CASD1: variants seen among roughly 807,000 people sequenced by gnomAD.
CASD1 encodes CAS1 domain sialic acid O acetyltransferase 1.
Under a neutral mutation model 100.0 loss-of-function variants are expected in CASD1, and 41 were observed. The ratio of observed to expected loss-of-function variants is 0.41; its 90% CI spans 0.32 to 0.53. The LOEUF is 0.53. Ranked by LOEUF, CASD1 falls within the 20% of genes least tolerant of loss-of-function variation. The pLI is 0.25. For synonymous variants in CASD1, 321 were observed against 315.6 expected, an observed-to-expected ratio of 1.02 and a Z score of -0.18; for missense variants, 774 against 948.7, an observed-to-expected ratio of 0.82 and a Z score of 2.42.
At chr7:94,579,992 C>T in the CASD1 span, among the ~76,000 whole-genome samples, 1 of 152,180 alleles carries the variant, frequency 6.6e-6, no homozygotes, top group Admixed American at 6.6e-5. Context: ...TGTTCCTCAA[C>T]ACTATTTCCA....
At chr7:94,526,690 G>T (rs1264486445) in intron 3 of CASD1, among the ~76,000 whole-genome samples, 3 of 152,162 alleles carry the variant, frequency 2.0e-5, no homozygotes, top group African/African-American at 7.2e-5. Flanking sequence ...CCACTTGGGA[G>T]GCTGAGGTGG....
the CASD1 span, among the ~76,000 whole-genome samples, chr7:94,574,364 T>C: frequency 6.6e-6 from 1 of 152,122 alleles, no homozygotes; most frequent in African/African-American, 2.4e-5. Context: ...GTCCAGGGCT[T>C]TTTTTGGTTG....
At chr7:94,543,438 G>A (rs1262702045) in intron 10 of CASD1, among the ~76,000 whole-genome samples, 4 of 152,090 alleles carry the variant, frequency 2.6e-5, no homozygotes, top group East Asian at 3.9e-4. Context: ...TAGATCACCC[G>A]AGGTCAGGAG....
chr7:94,610,737 T>A, the CASD1 span, among the ~76,000 whole-genome samples: 1 of 151,986 alleles, frequency 6.6e-6, no homozygotes, highest in African/African-American at 2.4e-5. Flanking sequence ...TAGGAGAAAA[T>A]AACTGCAAAT....
At chr7:94,611,041 T>C in the CASD1 span, among the ~76,000 whole-genome samples, 5 of 152,230 alleles carry the variant, frequency 3.3e-5, no homozygotes, top group African/African-American at 1.2e-4. Context: ...CTCTCCTATT[T>C]TGCTGGTGGA....
chr7:94,514,222 A>G (rs1212602395), intron 1 of CASD1, among the ~76,000 whole-genome samples: 1 of 152,194 alleles, frequency 6.6e-6, no homozygotes, highest in Non-Finnish European at 1.5e-5. Context: ...AGAGCAAGAA[A>G]GCAGCAGCTC....
the CASD1 span, among the ~76,000 whole-genome samples, chr7:94,608,058 C>T: frequency 6.6e-6 from 1 of 152,104 alleles, no homozygotes; most frequent in East Asian, 1.9e-4. Flanking sequence ...AAATTAAAAA[C>T]AGAGGCCGGG....
chr7:94,620,297 T>C, the CASD1 span: 1 of 152,198 alleles, frequency 6.6e-6, no homozygotes, highest in Non-Finnish European at 1.5e-5. Context: ...TCATCACTTT[T>C]TAAAGATTTA....
At chr7:94,529,667 G>T (rs1367824673) in intron 5 of CASD1, among the ~76,000 whole-genome samples, 1 of 152,098 alleles carries the variant, frequency 6.6e-6, no homozygotes, top group Non-Finnish European at 1.5e-5. Context: ...ATGTGGCTGG[G>T]AATTAGCTCC....
At position 94,534,462 on chromosome 7, in the gene CASD1, A is replaced by G. The variant is rs368733020; in HGVS notation, c.628+660A>G. On this transcript the variant is annotated intron_variant, in intron 7 of 17. Coordinates refer to ENST00000297273, the MANE Select transcript of CASD1 (RefSeq NM_022900.5). ...TTAGAAGTAAATATACTTTTTTAGC[A>G]AGCAATGGGTTTCTGAAAAAATAAA... 1.1e-4 allele frequency among the ~76,000 whole-genome samples: 17 copies of G among 152,270 alleles called. No individual in the cohort carries two copies. In the East Asian group the frequency reaches 1.9e-3, roughly 17 times the overall value.
At chr7:94,627,534 A>G in the CASD1 span, 2 of 152,288 alleles carry the variant, frequency 1.3e-5, no homozygotes, top group East Asian at 1.9e-4. Flanking sequence ...ATCCTATTCC[A>G]GCCACACTTA....
intron 10 of CASD1, among the ~76,000 whole-genome samples, chr7:94,542,978 A>G (rs1317669817): frequency 7.2e-5 from 11 of 152,190 alleles, no homozygotes; most frequent in Non-Finnish European, 1.6e-4. Flanking sequence ...GGAACTCAGG[A>G]AGGAGAAATG....
At chr7:94,604,437 T>C in the CASD1 span, among the ~76,000 whole-genome samples, 1 of 147,438 alleles carries the variant, frequency 6.8e-6, no homozygotes, top group Admixed American at 6.8e-5. Flanking sequence ...CACACACAAA[T>C]TTGGATAAGG....
intron 1 of CASD1, among the ~76,000 whole-genome samples, chr7:94,516,402 T>C (rs1182304568): frequency 6.6e-6 from 1 of 152,154 alleles, no homozygotes; most frequent in Non-Finnish European, 1.5e-5. Context: ...AGAAAAGAGA[T>C]GTGTTCTTCT....
downstream of CASD1, among the ~76,000 whole-genome samples, chr7:94,558,356 T>C (rs1405635224): frequency 1.3e-5 from 2 of 152,320 alleles, no homozygotes; most frequent in Non-Finnish European, 2.9e-5. Flanking sequence ...GTGTTTTGTG[T>C]AATGAATTGG....
chr7:94,628,567 TGCAACAA>T, the CASD1 span: 2 of 548,834 alleles, frequency 3.6e-6, no homozygotes, highest in South Asian at 4.3e-5. Flanking sequence ...CAAAATCTGA[TGCAACAA>T]AGAAAGCAGA....
At chr7:94,521,603 TA>T (rs1215242360) in intron 3 of CASD1, among the ~76,000 whole-genome samples, 1 of 152,064 alleles carries the variant, frequency 6.6e-6, no homozygotes, top group Non-Finnish European at 1.5e-5. Context: ...ATCAGAAGAA[TA>T]AAAAAATTAA....
the CASD1 span, chr7:94,628,313 A>G: frequency 3.7e-6 from 6 of 1,611,520 alleles, no homozygotes; most frequent in African/African-American, 8.0e-5. Context: ...GGTCTGGGTA[A>G]CCCATTAAAT....
intron 7 of CASD1, among the ~76,000 whole-genome samples, chr7:94,535,071 T>C (rs1400091229): frequency 6.6e-6 from 1 of 152,170 alleles, no homozygotes; most frequent in Non-Finnish European, 1.5e-5. Context: ...TACATAAAGA[T>C]GGGACAAAAG....
Sources: gnomAD v4.1 joint callset for allele counts (sites outside exome capture counted in the v4.1 genomes callset) on GRCh38, gnomAD v4.1.1 for gene constraint, MANE v1.5 for transcripts, NCBI Gene and HGNC (gene_info 2026-07-23, HGNC 2026-07-21) for gene names.